The following ITGAD variants were observed in gnomAD, a reference collection of about 807,000 sequenced individuals.
The protein encoded by ITGAD is integrin alpha-D.
ITGAD carries 105 observed loss-of-function variants against 139.0 expected under a neutral mutation model. The ratio of observed to expected loss-of-function variants is 0.76; its 90% CI spans 0.65 to 0.89. The LOEUF (loss-of-function observed/expected upper bound fraction) is 0.89. Among genes scored for constraint, ITGAD ranks in the 40% least tolerant of loss-of-function variants. ITGAD has a pLI of 0.00. For synonymous variants in ITGAD, 569 were observed against 598.3 expected (o/e 0.95, Z 0.71); for missense variants, 1,384 against 1,487.3 (o/e 0.93, Z 1.14).
In ITGAD at chr16:31,416,273, C is replaced by A; in HGVS notation, c.2344C>A (p.Leu782Ile). The A allele has an allele frequency of 6.2e-7, 1 of 1,602,624 alleles. No individual in the cohort carries two copies. The highest frequency in any genetic ancestry group is 1.3e-5 in the African/African-American group (1 of 74,788). ...GLCEGDLGVT[L>I]SFSGLQTLTV... is the part of the protein sequence containing the mutation. ...CTGTGAAGGGGACCTGGGTGTCACC[C>A]TCAGCTTCTCAGGGTGAGCTGTAAC... Residue 782 changes from leucine to isoleucine, a missense_variant, in exon 19 of 30, where the codon CTC becomes ATC. By Grantham distance (5) the Leu-to-Ile change is conservative. Coordinates refer to ENST00000389202, the MANE Select transcript of ITGAD (RefSeq NM_005353.3).
Position 31,403,785 on chromosome 16 carries a change from A to G in ITGAD, c.704+140A>G. 9.2e-7 allele frequency: 1 copy of G among 1,086,090 alleles called. No homozygotes were observed. The highest frequency in any genetic ancestry group is 1.6e-5 in the African/African-American group (1 of 63,930). 67.3% of individuals were successfully genotyped at this position (1,086,090 alleles called of 1,614,324 possible). A position where few individuals can be genotyped will look rare whatever the true frequency, so the allele number is the denominator to read the frequency against. Reference sequence around the variant, plus strand: ...GGGGCATGTCGGGGCTGCAGGGAGAACCTCCCCCCGGGGTGCTCCTGGTTG... The same window carrying G: ...GGGGCATGTCGGGGCTGCAGGGAGAGCCTCCCCCCGGGGTGCTCCTGGTTG... On this transcript the variant is annotated intron_variant, in intron 7 of 29. Transcript: ENST00000389202. This position sits in a 1 kb window ranked among gnomAD's most constrained non-coding sequence, Gnocchi z 4.4.
Position 31,410,861 on chromosome 16 carries a change from G to A in ITGAD, c.1339G>A (p.Glu447Lys), listed in dbSNP as rs771699236. ...GTCCAGGCAATGGAGGAAGAAGGCC[G>A]AAGTCACAGGGACGCAGGTTGGGCG... Reference protein sequence around the residue: ...QVSRQWRKKAEVTGTQIGSYF... With the variant: ...QVSRQWRKKAKVTGTQIGSYF... The change falls in exon 12 of 30, where the codon GAA becomes AAA. Residue 447 changes from glutamate (E) to lysine (K), a missense_variant. Glu to Lys is a moderately conservative substitution (Grantham distance 56). Transcript: ENST00000389202. The A allele has an allele frequency of 2.6e-5, 41 of 1,606,486 alleles. No homozygotes were observed. Among genetic ancestry groups the A allele is most frequent in the African/African-American group, 4.0e-5 (3 of 74,590 alleles).
Position 31,397,696 on chromosome 16 carries a change from T to TGGGGGGGGGGGGGGGGG in ITGAD, c.312+34_312+35insGGGGGGGGGGGGGGGGG, listed in dbSNP as rs753764970. The TGGGGGGGGGGGGGGGGG allele has an allele frequency of 3.3e-5, 7 of 209,862 alleles. No homozygotes were observed. In the Admixed American group the frequency reaches 3.6e-4, roughly 11 times the overall value. The allele number at this position is 209,862 out of a possible 1,614,324, so 13.0% of individuals were successfully genotyped here. On this transcript the variant is annotated intron_variant, in intron 4 of 29. Transcript: ENST00000389202. The stretch of plus-strand genomic sequence containing the variant: ...GTGAGTGTCTTGGGCCACGGGGGGG[T>TGGGGGGGGGGGGGGGGG]GGGGTGGGGCGGGGGGTGTTGTTGG...
intron 27 of ITGAD, 39 bp from the exon 28 acceptor site, chr16:31,424,063 C>T (rs774119765): frequency 6.2e-7 from 1 of 1,612,996 alleles, no homozygotes; most frequent in Non-Finnish European, 8.5e-7. Flanking sequence ...GAGCCTCCCC[C>T]AGAGCCAGTT....
intron 10 of ITGAD, 42 bp downstream of exon 10, chr16:31,408,540 A>T: frequency 6.5e-7 from 1 of 1,545,258 alleles, no homozygotes; most frequent in Non-Finnish European, 8.9e-7. Flanking sequence ...TTGGATACCA[A>T]CTCTGCACCC....
intron 7 of ITGAD, among the ~76,000 whole-genome samples, chr16:31,406,143 C>T (rs377625720): frequency 9.9e-5 from 15 of 151,916 alleles, no homozygotes; most frequent in African/African-American, 3.1e-4. Flanking sequence ...GGCATGATCT[C>T]GGCTCACTGC....
rs994126791 is a variant in ITGAD at position 31,423,737 on chromosome 16, T to C, written c.3045+89T>C. 3 of 1,521,880 alleles carry C rather than the reference T, an allele frequency of 2.0e-6. No individual in the cohort carries two copies. In the African/African-American group the frequency reaches 4.1e-5, roughly 21 times the overall value. 94.3% of individuals were successfully genotyped at this position (1,521,880 alleles called of 1,614,324 possible). ...CTGCTAGGCCACAGAGTTCCGTGCA[T>C]GTCCTGTAACTGCTCATCTGTTCCC... On this transcript the variant is annotated intron_variant, in intron 26 of 29. Transcript: ENST00000389202.
chr16:31,412,984 C>A lies in ITGAD; in HGVS notation c.1838+16C>A. The A allele has an allele frequency of 6.2e-7, 1 of 1,601,980 alleles. No homozygotes were observed. Reference sequence around the variant, plus strand: ...TCCTGCTCAGGTAGCGACTCCCCAACATCCTGCCCTCCCGCGCTGTGTCTG... The same window carrying A: ...TCCTGCTCAGGTAGCGACTCCCCAAAATCCTGCCCTCCCGCGCTGTGTCTG... On this transcript the variant is annotated intron_variant, in intron 15 of 29. Coordinates refer to ENST00000389202, the MANE Select transcript of ITGAD (RefSeq NM_005353.3).
chr16:31,400,836 C>CCT (rs2081385589), intron 5 of ITGAD, among the ~76,000 whole-genome samples: 1 of 152,106 alleles, frequency 6.6e-6, no homozygotes, highest in Non-Finnish European at 1.5e-5. Flanking sequence ...GAACTCCTGA[C>CCT]CTCAAGTAAT....
At chr16:31,425,556 C>T (rs991583002) in intron 29 of ITGAD, among the ~76,000 whole-genome samples, 6 of 152,160 alleles carry the variant, frequency 3.9e-5, no homozygotes, top group African/African-American at 9.7e-5. Context: ...CATAAATGTT[C>T]TCGCACACAA....
In ITGAD at chr16:31,406,102, T is replaced by C. The variant is rs2081534156; in HGVS notation, c.705-1413T>C. Among the ~76,000 whole-genome samples the C allele has an allele frequency of 2.0e-5, 3 of 151,566 alleles. No homozygotes were observed. The South Asian group carries it at 6.3e-4, about 32-fold the overall frequency. The stretch of plus-strand genomic sequence containing the variant: ...TTTTTTCTTTTTTTTTGAGACGGAG[T>C]CTTGCTCTGTCGCCCAGGCTGGAGT... On this transcript the variant is annotated intron_variant, in intron 7 of 29. Coordinates refer to ENST00000389202, the MANE Select transcript of ITGAD (RefSeq NM_005353.3).
Position 31,416,544 on chromosome 16 carries a change from C to A in ITGAD, c.2397C>A (p.Asn799Lys). ...CCGTGGGGAGCTCCCTGGAGCTCAA[C>A]GTGATTGTGACTGTGTGGAACGCAG... ...TLTVGSSLEL[N>K]VIVTVWNAGE... The change falls in exon 20 of 30, where the codon AAC (asparagine) becomes AAA (lysine). Residue 799 changes from asparagine to lysine, a missense_variant. Coordinates refer to ENST00000389202, the MANE Select transcript of ITGAD (RefSeq NM_005353.3). 6.2e-7 allele frequency: 1 copy of A among 1,613,724 alleles called. No individual in the cohort carries two copies. The highest frequency in any genetic ancestry group is 8.5e-7 in the Non-Finnish European group (1 of 1,179,664).
Position 31,424,127 on chromosome 16 carries a change from TGA to T in ITGAD, c.3187_3188del (p.Ser1063CysfsTer3). 1 of 1,614,174 alleles carries T rather than the reference TGA, an allele frequency of 6.2e-7. No homozygotes were observed. The highest frequency in any genetic ancestry group is 2.2e-5 in the East Asian group (1 of 44,882). On this transcript the variant is annotated frameshift_variant, in exon 28 of 30. Coordinates refer to ENST00000389202, the MANE Select transcript of ITGAD (RefSeq NM_005353.3). LOFTEE classifies it high-confidence loss of function. ...ACATTGCAGAAGAAGGTGTTGGTCG[TGA>T]GTGTGGCTGAAATTACGTTCGACAC...
chr16:31,410,425 T>C lies in ITGAD; in HGVS notation c.1114T>C (p.Phe372Leu). ...CCTCTTCCTGGGGGCTGTGGGGAGC[T>C]TTAGCTGGTCTGGAGGTGCCTTCCT... The part of the protein sequence containing the change: ...DGLFLGAVGS[F>L]SWSGGAFLYP... Residue 372 changes from phenylalanine to leucine, a missense_variant, in exon 11 of 30, where the codon TTT becomes CTT. Transcript: ENST00000389202. 6.2e-7 allele frequency: 1 copy of C among 1,613,736 alleles called. No homozygotes were observed. The highest frequency in any genetic ancestry group is 8.5e-7 in the Non-Finnish European group (1 of 1,179,842).
intron 18 of ITGAD, among the ~76,000 whole-genome samples, chr16:31,415,275 A>T (rs1401709615): frequency 6.6e-6 from 1 of 151,958 alleles, no homozygotes; most frequent in Non-Finnish European, 1.5e-5. Flanking sequence ...CTATTGTTGT[A>T]TCCTCCCACC....
rs13334461 is a variant in ITGAD, at chr16:31,426,012, T to C, written c.3373-3T>C. On this transcript the variant is annotated splice_region_variant and splice_polypyrimidine_tract_variant and intron_variant, in intron 29 of 29. Transcript: ENST00000389202. ...AGCTTTTCTAATTTATTTCCCCTGA[T>C]AGCTTGGCTTCTTCAAACGCCACTA... 5.9e-3 allele frequency: 9,432 copies of C among 1,606,646 alleles called. 466 individuals are homozygous for C. In the African/African-American group the frequency reaches 0.11, roughly 19 times the overall value.
chr16:31,398,436 A>AC (rs2081326295), intron 5 of ITGAD, among the ~76,000 whole-genome samples: 1 of 150,766 alleles, frequency 6.6e-6, no homozygotes, highest in South Asian at 2.1e-4. Context: ...TCAAAAAAAA[A>AC]AAAAAAACAA....
At chr16:31,395,202 C>G (rs995810297) in intron 2 of ITGAD, among the ~76,000 whole-genome samples, 1 of 152,158 alleles carries the variant, frequency 6.6e-6, no homozygotes, top group African/African-American at 2.4e-5. Context: ...CATCTGTAAT[C>G]CCAGCTACTT....
intron 17 of ITGAD, 109 bp downstream of exon 17, chr16:31,414,714 G>C: frequency 6.4e-7 from 1 of 1,554,932 alleles, no homozygotes. Context: ...TGTTGGGGCT[G>C]GAGAGAGGGA....
Sources: gnomAD v4.1 joint callset for allele counts (sites outside exome capture counted in the v4.1 genomes callset) on GRCh38, gnomAD v4.1.1 for gene constraint, Gnocchi (gnomAD v3.1) non-coding constraint, MANE v1.5 for transcripts, NCBI Gene and HGNC (gene_info 2026-07-23, HGNC 2026-07-21) for gene names.